LMNTD1: variants seen among roughly 807,000 people sequenced by gnomAD.
LMNTD1 encodes lamin tail domain containing 1.
Under a neutral mutation model 50.9 loss-of-function variants are expected in LMNTD1, and 35 were observed. The observed-to-expected ratio is 0.69, with a 90% CI of 0.53 to 0.91. The LOEUF (loss-of-function observed/expected upper bound fraction) is 0.91. LMNTD1 is among the 40% of genes least tolerant of loss of function. The pLI, the probability that LMNTD1 is intolerant of heterozygous loss-of-function variation, is 0.00. For synonymous variants in LMNTD1, 153 were observed against 161.9 expected (o/e 0.94, Z 0.42); for missense variants, 470 against 475.5 (o/e 0.99, Z 0.11).
At chr12:25,559,704 C>T (rs1944206159) in intron 1 of LMNTD1, among the ~76,000 whole-genome samples, 1 of 152,146 alleles carries the variant, frequency 6.6e-6, no homozygotes, top group African/African-American at 2.4e-5. Context: ...CTCTCCAGAA[C>T]CTGTTGTTTC....
chr12:25,627,222 G>T (rs1212504283), intron 1 of LMNTD1, among the ~76,000 whole-genome samples: 1 of 152,126 alleles, frequency 6.6e-6, no homozygotes, highest in Non-Finnish European at 1.5e-5. Context: ...ATAACTTATT[G>T]TTCATCTTCT....
intron 4 of LMNTD1, among the ~76,000 whole-genome samples, chr12:25,545,378 G>A (rs1201631177): frequency 6.6e-6 from 1 of 151,320 alleles, no homozygotes; most frequent in African/African-American, 2.4e-5. Flanking sequence ...TTGACCTCTG[G>A]GGAGCTTAAT....
chr12:25,521,500 G>A (rs772149744), intron 6 of LMNTD1, among the ~76,000 whole-genome samples: 2 of 152,106 alleles, frequency 1.3e-5, no homozygotes, highest in African/African-American at 2.4e-5. Flanking sequence ...ACAGAGTAAC[G>A]CATCTTGGCC....
At chr12:25,599,108 A>T (rs1293398326) in intron 1 of LMNTD1, among the ~76,000 whole-genome samples, 1 of 152,104 alleles carries the variant, frequency 6.6e-6, no homozygotes, top group South Asian at 2.1e-4. Flanking sequence ...TTAAAAGATC[A>T]TTCATCATAA....
At chr12:25,635,258 A>G (rs1946807587) in intron 1 of LMNTD1, among the ~76,000 whole-genome samples, 2 of 151,290 alleles carry the variant, frequency 1.3e-5, no homozygotes, top group South Asian at 4.2e-4. Context: ...AAAAGAAAAA[A>G]AAAAAAAAGA....
intron 8 of LMNTD1, among the ~76,000 whole-genome samples, chr12:25,505,606 T>C (rs12321360): frequency 0.19 from 29,106 of 152,052 alleles, 3,008 homozygotes; most frequent in African/African-American, 0.25. Flanking sequence ...CTTTTGAATA[T>C]ACGATGCAGT....
chr12:25,603,234 A>C (rs1201318561), intron 1 of LMNTD1, among the ~76,000 whole-genome samples: 2 of 152,074 alleles, frequency 1.3e-5, no homozygotes, highest in East Asian at 3.9e-4. Flanking sequence ...AAATTCTATC[A>C]GGAACATGTG....
chr12:25,582,952 A>G (rs572052910), intron 1 of LMNTD1, among the ~76,000 whole-genome samples: 1 of 151,874 alleles, frequency 6.6e-6, no homozygotes, highest in East Asian at 1.9e-4. Flanking sequence ...GGCTCAAATG[A>G]TCCTCCTGCC....
chr12:25,629,024 T>C (rs1250324109), intron 1 of LMNTD1, among the ~76,000 whole-genome samples: 5 of 152,100 alleles, frequency 3.3e-5, no homozygotes, highest in South Asian at 4.1e-4. Flanking sequence ...ATAATGAAAA[T>C]TGTAAAAACA....
chr12:25,487,020 CT>C, intron 9 of LMNTD1, among the ~76,000 whole-genome samples: 1 of 151,110 alleles, frequency 6.6e-6, no homozygotes, highest in East Asian at 2.0e-4. Flanking sequence ...AATTTCTGTT[CT>C]TTTACATTTG....
At chr12:25,617,107 A>C (rs559271709) in intron 1 of LMNTD1, among the ~76,000 whole-genome samples, 1 of 152,326 alleles carries the variant, frequency 6.6e-6, no homozygotes, top group Admixed American at 6.5e-5. Context: ...AACTTTCTCA[A>C]TAACTTACAC....
intron 4 of LMNTD1, among the ~76,000 whole-genome samples, chr12:25,537,411 G>A (rs1219369372): frequency 6.6e-6 from 1 of 152,226 alleles, no homozygotes; most frequent in East Asian, 1.9e-4. Context: ...GTGGGTCCCT[G>A]ACCCCTGACC....
At chr12:25,566,268 G>A (rs550558805) in intron 1 of LMNTD1, among the ~76,000 whole-genome samples, 2 of 152,106 alleles carry the variant, frequency 1.3e-5, no homozygotes, top group African/African-American at 4.8e-5. Context: ...TCCTATAAGT[G>A]TGCTTCATAG....
At chr12:25,610,675 G>A (rs1946220551) in intron 1 of LMNTD1, among the ~76,000 whole-genome samples, 1 of 152,174 alleles carries the variant, frequency 6.6e-6, no homozygotes, top group African/African-American at 2.4e-5. Flanking sequence ...CATATAGATG[G>A]AAGTGGAGGG....
intron 1 of LMNTD1, among the ~76,000 whole-genome samples, chr12:25,568,682 C>G (rs551216464): frequency 1.3e-5 from 2 of 152,362 alleles, no homozygotes; most frequent in African/African-American, 4.8e-5. Context: ...CCCCTCATTT[C>G]TGCAGCTCCA....
At chr12:25,596,527 C>T (rs1354663845) in intron 1 of LMNTD1, among the ~76,000 whole-genome samples, 1 of 151,952 alleles carries the variant, frequency 6.6e-6, no homozygotes, top group African/African-American at 2.4e-5. Context: ...AGCCAGCATT[C>T]CTTTATGCCA....
At chr12:25,620,455 T>C (rs555885565) in intron 1 of LMNTD1, among the ~76,000 whole-genome samples, 4 of 152,236 alleles carry the variant, frequency 2.6e-5, no homozygotes, top group African/African-American at 9.6e-5. Flanking sequence ...TCTTTTTTGT[T>C]GTTTCTCTGA....
chr12:25,549,787 T>A (rs2136242510), intron 2 of LMNTD1, among the ~76,000 whole-genome samples: 1 of 152,290 alleles, frequency 6.6e-6, no homozygotes, highest in East Asian at 1.9e-4. Context: ...TGTAGATAGT[T>A]CTGAAAATGT....
intron 9 of LMNTD1, among the ~76,000 whole-genome samples, chr12:25,503,315 T>G (rs1480590623): frequency 6.6e-6 from 1 of 152,216 alleles, no homozygotes; most frequent in East Asian, 1.9e-4. Context: ...TACAATATCA[T>G]TTAGCAAGTG....
Sources: gnomAD v4.1 joint callset for allele counts (sites outside exome capture counted in the v4.1 genomes callset) on GRCh38, gnomAD v4.1.1 for gene constraint, MANE v1.5 for transcripts, NCBI Gene and HGNC (gene_info 2026-07-23, HGNC 2026-07-21) for gene names.